The following RPS18 variants were observed in gnomAD, a reference collection of about 807,000 sequenced individuals.
The protein encoded by RPS18 is ribosomal protein S18.
For synonymous variants in RPS18, 64 were observed against 70.9 expected, an observed-to-expected ratio of 0.90 and a Z score of 0.49; for missense variants, 49 against 200.8, an observed-to-expected ratio of 0.24 and a Z score of 4.57.
In RPS18 at chr6:33,272,119, C is replaced by A. The variant is rs930746014; in HGVS notation, c.-1C>A. 3 of 1,567,934 alleles carry A rather than the reference C, an allele frequency of 1.9e-6. No homozygotes were observed. Among genetic ancestry groups the A allele is most frequent in the Non-Finnish European group, 2.6e-6 (3 of 1,156,206 alleles). On this transcript the variant is annotated 5_prime_UTR_variant, in exon 1 of 6. Transcript: ENST00000439602. ...TACACGCCGCCGCTTGTGCTGCAGC[C>A]ATGGTAAGACTGGAATCCGTGCCGT...
At position 33,272,118 on chromosome 6, in the gene RPS18, C is replaced by A. The variant is rs777306073; in HGVS notation, c.-2C>A. 1.3e-6 allele frequency: 2 copies of A among 1,568,062 alleles called. No homozygotes were observed. The highest frequency in any genetic ancestry group is 1.2e-5 in the South Asian group (1 of 85,360). ...CTACACGCCGCCGCTTGTGCTGCAG[C>A]CATGGTAAGACTGGAATCCGTGCCG... On this transcript the variant is annotated 5_prime_UTR_variant, in exon 1 of 6. Coordinates refer to ENST00000439602, the MANE Select transcript of RPS18 (RefSeq NM_022551.3).
chr6:33,276,102 G>A (rs1416354316), intron 4 of RPS18, 36 bp downstream of exon 4: 1 of 1,606,552 alleles, frequency 6.2e-7, no homozygotes, highest in Non-Finnish European at 8.5e-7. Context: ...TAGAGGAAGG[G>A]TGGAGGGTCC....
Position 33,272,089 on chromosome 6 carries a change from A to G in RPS18, c.-31A>G, listed in dbSNP as rs1156782071. The G allele has an allele frequency of 7.0e-6, 11 of 1,564,548 alleles. No homozygotes were observed. The Admixed American group carries it at 7.5e-5, about 11-fold the overall frequency. On this transcript the variant is annotated 5_prime_UTR_variant, in exon 1 of 6. Coordinates refer to ENST00000439602, the MANE Select transcript of RPS18 (RefSeq NM_022551.3). ...TCACTTCCGCTCTCTCTTCCACAGG[A>G]GGCCTACACGCCGCCGCTTGTGCTG...
At chr6:33,276,107 G>A (rs1013702737) in intron 4 of RPS18, 41 bp downstream of exon 4, 1 of 1,597,932 alleles carries the variant, frequency 6.3e-7, no homozygotes, top group Non-Finnish European at 8.5e-7. Context: ...GAAGGGTGGA[G>A]GGTCCTAACA....
chr6:33,275,145 C>T (rs1287416048), intron 2 of RPS18, among the ~76,000 whole-genome samples: 1 of 152,156 alleles, frequency 6.6e-6, no homozygotes, highest in African/African-American at 2.4e-5. Context: ...CCCTGGTTTA[C>T]TGCATCAGCT....
At chr6:33,274,995 G>A (rs374695862) in intron 2 of RPS18, among the ~76,000 whole-genome samples, 51 of 152,186 alleles carry the variant, frequency 3.4e-4, no homozygotes, top group African/African-American at 1.2e-3. Context: ...AGTCAGTTCT[G>A]GGCACTGACA....
At chr6:33,273,634 G>A (rs928925633) in intron 2 of RPS18, among the ~76,000 whole-genome samples, 3 of 152,184 alleles carry the variant, frequency 2.0e-5, no homozygotes, top group Non-Finnish European at 4.4e-5. Context: ...TTCAGAGACC[G>A]GCTGTGAGGC....
At position 33,275,974 on chromosome 6, in the gene RPS18, G is replaced by C. The variant is rs1488980866; in HGVS notation, c.199G>C (p.Val67Leu). 6 of 1,614,010 alleles carry C rather than the reference G, an allele frequency of 3.7e-6. No individual in the cohort carries two copies. Among genetic ancestry groups the C allele is most frequent in the Non-Finnish European group, 3.4e-6 (4 of 1,180,018 alleles). Residue 67 changes from valine to leucine, a missense_variant, in exon 4 of 6, where the codon GTG becomes CTG. By Grantham distance (32) the Val-to-Leu change is conservative. Transcript: ENST00000439602. ...GELTEDEVER[V>L]ITIMQNPRQY... The stretch of plus-strand genomic sequence containing the variant: ...TTGGTCTGCCTGCCAGGTGGAACGT[G>C]TGATCACCATTATGCAGAATCCACG...
intron 2 of RPS18, among the ~76,000 whole-genome samples, chr6:33,274,572 A>G (rs1312032331): frequency 6.6e-6 from 1 of 152,198 alleles, no homozygotes; most frequent in Non-Finnish European, 1.5e-5. Flanking sequence ...CTAAGCAGAA[A>G]ATTACTCTTG....
intron 2 of RPS18, among the ~76,000 whole-genome samples, chr6:33,275,070 T>C (rs1029618223): frequency 6.6e-6 from 1 of 152,200 alleles, no homozygotes; most frequent in African/African-American, 2.4e-5. Flanking sequence ...TAAATAATTG[T>C]GACCCTTAGA....
rs1055857821 is a variant in RPS18, at chr6:33,272,125, A to G, written c.3+3A>G. 3 of 1,567,412 alleles carry G rather than the reference A, an allele frequency of 1.9e-6. No individual in the cohort carries two copies. Among genetic ancestry groups the G allele is most frequent in the Non-Finnish European group, 2.6e-6 (3 of 1,156,008 alleles). ...CCGCCGCTTGTGCTGCAGCCATGGT[A>G]AGACTGGAATCCGTGCCGTGATCCA... is the stretch of plus-strand genomic sequence containing the variant. On this transcript the variant is annotated splice_donor_region_variant and intron_variant, in intron 1 of 5. Coordinates refer to ENST00000439602, the MANE Select transcript of RPS18 (RefSeq NM_022551.3).
chr6:33,275,553 A>C, intron 2 of RPS18: 2 of 539,928 alleles, frequency 3.7e-6, no homozygotes, highest in South Asian at 4.3e-5. Flanking sequence ...CCTGCCCTCA[A>C]TGTCATCTGC....
chr6:33,274,486 C>T (rs913083453), intron 2 of RPS18, among the ~76,000 whole-genome samples: 3 of 152,216 alleles, frequency 2.0e-5, no homozygotes, highest in African/African-American at 7.2e-5. Flanking sequence ...GAAGCCAACC[C>T]TTGATCTCTT....
chr6:33,275,929 G>C (rs1289083931), intron 3 of RPS18, 36 bp from the exon 4 acceptor site: 1 of 1,605,630 alleles, frequency 6.2e-7, no homozygotes, highest in African/African-American at 1.3e-5. Context: ...CCTCAGAAAG[G>C]GGTCCATCTA....
In RPS18 at chr6:33,275,961, C is replaced by T. The variant is rs369497260; in HGVS notation, c.190-4C>T. On this transcript the variant is annotated splice_region_variant and splice_polypyrimidine_tract_variant and intron_variant, in intron 3 of 5. Transcript: ENST00000439602. ...TCTAGATCTGACCTTGGTCTGCCTG[C>T]CAGGTGGAACGTGTGATCACCATTA... 2.5e-6 allele frequency: 4 copies of T among 1,611,468 alleles called. No homozygotes were observed. In the African/African-American group the frequency reaches 5.3e-5, roughly 22 times the overall value.
rs777306073 is a variant in RPS18 at position 33,272,118 on chromosome 6, C to T, written c.-2C>T. The T allele has an allele frequency of 2.2e-5, 35 of 1,567,944 alleles. No individual in the cohort carries two copies. Among genetic ancestry groups the T allele is most frequent in the South Asian group, 1.9e-4 (16 of 85,364 alleles). ...CTACACGCCGCCGCTTGTGCTGCAG[C>T]CATGGTAAGACTGGAATCCGTGCCG... On this transcript the variant is annotated 5_prime_UTR_variant, in exon 1 of 6. Transcript: ENST00000439602.
At chr6:33,272,257 A>G in intron 1 of RPS18, 135 bp downstream of exon 1, 1 of 982,364 alleles carries the variant, frequency 1.0e-6, no homozygotes, top group Non-Finnish European at 1.5e-6. Flanking sequence ...CGTCCCTGGA[A>G]AGGGACACCA....
Position 33,272,087 on chromosome 6 carries a change from G to A in RPS18, c.-33G>A, listed in dbSNP as rs749358799. The A allele has an allele frequency of 3.0e-5, 47 of 1,564,372 alleles. No individual in the cohort carries two copies. Among genetic ancestry groups the A allele is most frequent in the Admixed American group, 5.6e-5 (3 of 53,162 alleles). ...CGTCACTTCCGCTCTCTCTTCCACAGGAGGCCTACACGCCGCCGCTTGTGC... is the reference window on the plus strand; with the variant it reads ...CGTCACTTCCGCTCTCTCTTCCACAAGAGGCCTACACGCCGCCGCTTGTGC... On this transcript the variant is annotated 5_prime_UTR_variant, in exon 1 of 6. Coordinates refer to ENST00000439602, the MANE Select transcript of RPS18 (RefSeq NM_022551.3).
At chr6:33,272,322 G>T (rs1474406934) in intron 1 of RPS18, 200 bp downstream of exon 1, 3 of 652,844 alleles carry the variant, frequency 4.6e-6, no homozygotes, top group African/African-American at 3.6e-5. Context: ...TCGGGCGCAC[G>T]AAAGCTGTCT....
Sources: allele counts gnomAD v4.1 joint callset (sites outside exome capture counted in the v4.1 genomes callset), GRCh38; gene constraint gnomAD v4.1.1; transcripts MANE v1.5; gene names NCBI Gene and HGNC (gene_info 2026-07-23, HGNC 2026-07-21).